Variants in FNTA observed in about 807,000 individuals in gnomAD.
The protein encoded by FNTA is protein farnesyltransferase/geranylgeranyltransferase type-1 subunit alpha.
In FNTA, 27 loss-of-function variants were observed where a neutral mutation model predicts 55.2. That is an observed-to-expected ratio of 0.49 (90% confidence interval 0.36 to 0.67). The LOEUF is 0.67. Ranked by LOEUF, FNTA falls within the 30% of genes least tolerant of loss-of-function variation. FNTA has a pLI of 0.00. For missense variants in FNTA, 422 were observed against 464.7 expected (o/e 0.91, Z 0.85); for synonymous variants, 176 against 170.7 (o/e 1.03, Z -0.24).
At chr8:43,064,312 T>G (rs1163161168) in intron 3 of FNTA, 97 bp downstream of exon 3, 2 of 757,964 alleles carry the variant, frequency 2.6e-6, no homozygotes, top group Non-Finnish European at 4.4e-6. Context: ...TAAACTGTAC[T>G]TTATTTTTTT....
intron 3 of FNTA, among the ~76,000 whole-genome samples, chr8:43,067,052 T>G (rs1810677887): frequency 6.6e-6 from 1 of 152,180 alleles, no homozygotes; most frequent in African/African-American, 2.4e-5. Context: ...AGTTTGTATA[T>G]CAACATTTTA....
intron 5 of FNTA, among the ~76,000 whole-genome samples, chr8:43,074,708 A>G (rs1810870382): frequency 6.6e-6 from 1 of 152,284 alleles, no homozygotes; most frequent in South Asian, 2.1e-4. Context: ...TCCTTGAAAC[A>G]GCAAAATTAT....
intron 6 of FNTA, chr8:43,078,607 C>T (rs1221849030): frequency 6.6e-6 from 1 of 152,220 alleles, no homozygotes; most frequent in African/African-American, 2.4e-5. Flanking sequence ...ATCACTGTTG[C>T]ATGTGTTCCA....
chr8:43,064,305 A>G, intron 3 of FNTA, 90 bp downstream of exon 3: 1 of 818,540 alleles, frequency 1.2e-6, no homozygotes, highest in Non-Finnish European at 2.0e-6. Context: ...ATTTTTTTAA[A>G]CTGTACTTTA....
intron 7 of FNTA, 152 bp downstream of exon 7, chr8:43,083,332 A>C: frequency 1.9e-6 from 1 of 526,482 alleles, no homozygotes; most frequent in Non-Finnish European, 3.4e-6. Flanking sequence ...CATTATGGAA[A>C]CTCTCTGGGA....
chr8:43,072,754 A>C (rs1586658450), intron 5 of FNTA, among the ~76,000 whole-genome samples: 1 of 152,086 alleles, frequency 6.6e-6, no homozygotes, highest in Non-Finnish European at 1.5e-5. Context: ...CATTATTAAC[A>C]TACTTAAAAC....
intron 5 of FNTA, 28 bp downstream of exon 5, chr8:43,072,335 C>A: frequency 6.7e-7 from 1 of 1,488,212 alleles, no homozygotes; most frequent in Non-Finnish European, 9.0e-7. Flanking sequence ...CAGTGTTTTT[C>A]AGATTTTTTT....
chr8:43,072,295 A>G lies in FNTA; in HGVS notation c.621A>G (p.Gln207=), dbSNP rs201190121. ...ATTATCATGCCTGGCAGCATCGACA[A>G]TGGGTTATTCAGGTATTGCCTTTCT... The part of the protein sequence containing the change: ...AKNYHAWQHR[Q]WVIQEFKLWD... The change falls in exon 5 of 9, where the codon CAA becomes CAG. Residue 207 remains glutamine (Q), a synonymous_variant. Coordinates refer to ENST00000302279, the MANE Select transcript of FNTA (RefSeq NM_002027.3). The G allele has an allele frequency of 1.4e-5, 22 of 1,582,938 alleles. No individual in the cohort carries two copies. Among genetic ancestry groups the G allele is most frequent in the Admixed American group, 1.8e-5 (1 of 54,916 alleles).
intron 3 of FNTA, among the ~76,000 whole-genome samples, chr8:43,068,214 G>A (rs993053666): frequency 1.2e-4 from 18 of 152,236 alleles, no homozygotes; most frequent in African/African-American, 4.1e-4. Flanking sequence ...GTTTTGCCAC[G>A]TTGGCCAGGC....
rs1232226427 is a variant in FNTA at position 43,072,088 on chromosome 8, T to C, written c.507-93T>C. Reference sequence around the variant, plus strand: ...TAGAGATGAATTTTTGTTTATTGTGTGTCCTTTCATGTCACCTTTACAACA... The same window carrying C: ...TAGAGATGAATTTTTGTTTATTGTGCGTCCTTTCATGTCACCTTTACAACA... On this transcript the variant is annotated intron_variant, in intron 4 of 8. Coordinates refer to ENST00000302279, the MANE Select transcript of FNTA (RefSeq NM_002027.3). 3 of 958,330 alleles carry C rather than the reference T, an allele frequency of 3.1e-6. No homozygotes were observed. The African/African-American group carries it at 5.1e-5, about 16-fold the overall frequency. The allele number at this position is 958,330 out of a possible 1,614,324, so 59.4% of individuals were successfully genotyped here.
intron 1 of FNTA, 157 bp from the exon 2 acceptor site, chr8:43,058,935 C>A: frequency 2.0e-6 from 1 of 503,734 alleles, no homozygotes; most frequent in South Asian, 3.8e-5. Context: ...AACATATTGG[C>A]AAAACTTGGT....
At chr8:43,062,521 A>G (rs1269953981) in intron 2 of FNTA, among the ~76,000 whole-genome samples, 1 of 152,064 alleles carries the variant, frequency 6.6e-6, no homozygotes, top group African/African-American at 2.4e-5. Context: ...ACCTCAAGTG[A>G]TCCTCCCACC....
At chr8:43,057,633 T>C (rs1009664262) in intron 1 of FNTA, among the ~76,000 whole-genome samples, 10 of 152,182 alleles carry the variant, frequency 6.6e-5, no homozygotes, top group African/African-American at 2.2e-4. Context: ...GAATCTCTGC[T>C]GTCAACAGCT....
At chr8:43,071,643 G>A (rs1217997003) in intron 4 of FNTA, among the ~76,000 whole-genome samples, 1 of 150,862 alleles carries the variant, frequency 6.6e-6, no homozygotes, top group Non-Finnish European at 1.5e-5. Flanking sequence ...TTGCACTCCA[G>A]CCTGGGGGAC....
At chr8:43,084,543 G>A (rs1811088419) in intron 7 of FNTA, 167 bp from the exon 8 acceptor site, 1 of 580,692 alleles carries the variant, frequency 1.7e-6, no homozygotes, top group African/African-American at 1.9e-5. Flanking sequence ...AATGATCTAT[G>A]ATAAGACTCA....
chr8:43,067,116 C>G (rs1172887360), intron 3 of FNTA, among the ~76,000 whole-genome samples: 1 of 152,148 alleles, frequency 6.6e-6, no homozygotes, highest in Non-Finnish European at 1.5e-5. Context: ...TGCCTTGTAA[C>G]CCATTCTGCT....
At chr8:43,063,956 G>A in intron 2 of FNTA, 145 bp from the exon 3 acceptor site, 1 of 600,328 alleles carries the variant, frequency 1.7e-6, no homozygotes, top group Non-Finnish European at 2.9e-6. Flanking sequence ...TAGGGTGGCG[G>A]CCACAGCCAT....
Position 43,069,671 on chromosome 8 carries a change from G to A in FNTA, c.506+12G>A. 1 of 1,526,158 alleles carries A rather than the reference G, an allele frequency of 6.6e-7. No homozygotes were observed. 94.5% of individuals were successfully genotyped at this position (1,526,158 alleles called of 1,614,324 possible). ...AACTATCAAGTTTGGTAAGTTTGGA[G>A]TCTAGCTGTGTCTCCCAGGCTGGAG... is the stretch of plus-strand genomic sequence containing the variant. On this transcript the variant is annotated intron_variant, in intron 4 of 8. Transcript: ENST00000302279.
chr8:43,066,342 T>C (rs1331737278), intron 3 of FNTA, among the ~76,000 whole-genome samples: 2 of 149,756 alleles, frequency 1.3e-5, no homozygotes, highest in African/African-American at 2.5e-5. Context: ...CTGCAAGCTC[T>C]GCCTCCTGGG....
Sources: gnomAD v4.1 joint callset for allele counts (sites outside exome capture counted in the v4.1 genomes callset) on GRCh38, gnomAD v4.1.1 for gene constraint, MANE v1.5 for transcripts, NCBI Gene and HGNC (gene_info 2026-07-23, HGNC 2026-07-21) for gene names.